The following CENPH variants were observed in gnomAD, a reference collection of about 807,000 sequenced individuals.
CENPH encodes the protein CENP-H.
A neutral mutation model predicts 42.9 loss-of-function variants in CENPH; 40 were observed. The observed-to-expected ratio is 0.93, with a 90% CI of 0.72 to 1.21. The LOEUF is 1.21. CENPH is among the 50% of genes most tolerant of loss of function. CENPH has a pLI of 0.00. For synonymous variants in CENPH, 88 were observed against 96.5 expected (o/e 0.91, Z 0.52); for missense variants, 302 against 292.9 (o/e 1.03, Z -0.23).
chr5:69,190,762 C>G (rs1282850850), intron 1 of CENPH, among the ~76,000 whole-genome samples: 7 of 151,932 alleles, frequency 4.6e-5, no homozygotes, highest in Non-Finnish European at 7.4e-5. Context: ...TGGTGGCGGG[C>G]GCCTGTAATC....
At chr5:69,204,023 T>TATAAATATATATCATATATAA (rs1491256774) in intron 7 of CENPH, among the ~76,000 whole-genome samples, 1 of 45,388 alleles carries the variant, frequency 2.2e-5, no homozygotes, top group Non-Finnish European at 4.1e-5. Flanking sequence ...ATATATAAAT[T>TATAAATATATATCATATATAA]ATATATATAA....
At chr5:69,205,585 C>T (rs1203748171) in intron 7 of CENPH, among the ~76,000 whole-genome samples, 1 of 152,112 alleles carries the variant, frequency 6.6e-6, no homozygotes, top group East Asian at 1.9e-4. Context: ...ACACTCATGG[C>T]TCACTACAGC....
intron 2 of CENPH, among the ~76,000 whole-genome samples, chr5:69,193,113 CAAAAT>C (rs1272639325): frequency 6.7e-6 from 1 of 150,284 alleles, no homozygotes; most frequent in Non-Finnish European, 1.5e-5. Flanking sequence ...CAAAAACAAA[CAAAAT>C]ATATATATAT....
intron 1 of CENPH, among the ~76,000 whole-genome samples, chr5:69,190,450 C>A (rs1032329274): frequency 6.6e-6 from 1 of 152,162 alleles, no homozygotes; most frequent in Non-Finnish European, 1.5e-5. Flanking sequence ...GTACAACTTT[C>A]CTGCCACAAG....
At chr5:69,207,377 TGGGGTTTCGCCATGTTGGC>T (rs1165698482) in intron 7 of CENPH, among the ~76,000 whole-genome samples, 1 of 151,756 alleles carries the variant, frequency 6.6e-6, no homozygotes, top group African/African-American at 2.4e-5. Context: ...TTCATAGAGA[TGGGGTTTCGCCATGTTGGC>T]GGGGCTGGTC....
chr5:69,201,375 T>G (rs1748057341), intron 5 of CENPH, among the ~76,000 whole-genome samples: 1 of 152,236 alleles, frequency 6.6e-6, no homozygotes, highest in Non-Finnish European at 1.5e-5. Flanking sequence ...CTCCACTAGA[T>G]TCTTTCCTCT....
chr5:69,202,858 G>T, intron 6 of CENPH, 61 bp from the exon 7 acceptor site: 1 of 990,464 alleles, frequency 1.0e-6, no homozygotes, highest in East Asian at 2.5e-5. Context: ...AGTGATTTAA[G>T]TATTACAGGT....
intron 5 of CENPH, 75 bp from the exon 6 acceptor site, chr5:69,202,430 CT>C: frequency 1.2e-6 from 1 of 812,544 alleles, no homozygotes; most frequent in Non-Finnish European, 2.0e-6. Flanking sequence ...TCATTGATTC[CT>C]TCATTAATGA....
At chr5:69,206,853 A>G (rs1748168526) in intron 7 of CENPH, among the ~76,000 whole-genome samples, 1 of 146,898 alleles carries the variant, frequency 6.8e-6, no homozygotes, top group Non-Finnish European at 1.5e-5. Context: ...TCTCAGGGTC[A>G]TTAGTAGTAT....
In CENPH at chr5:69,195,770, T is replaced by TA. The variant is rs767679889; in HGVS notation, c.299dup (p.Leu101AlafsTer13). ...GAAGAGGTAAAAGTTGCTTTTGAGATAAAAAAGCTTGCATTAGACAGGTAA... is the reference window on the plus strand; with the variant it reads ...GAAGAGGTAAAAGTTGCTTTTGAGATAAAAAAAGCTTGCATTAGACAGGTAA... On this transcript the variant is annotated frameshift_variant, in exon 4 of 9. Coordinates refer to ENST00000283006, the MANE Select transcript of CENPH (RefSeq NM_022909.4). LOFTEE classifies it high-confidence loss of function. 6 of 1,545,864 alleles carry TA rather than the reference T, an allele frequency of 3.9e-6. No individual in the cohort carries two copies. Among genetic ancestry groups the TA allele is most frequent in the Admixed American group, 2.0e-5 (1 of 49,636 alleles).
intron 7 of CENPH, among the ~76,000 whole-genome samples, chr5:69,205,034 T>C (rs967305516): frequency 1.3e-5 from 2 of 151,172 alleles, no homozygotes; most frequent in Admixed American, 6.6e-5. Context: ...TTCTCCGGTC[T>C]CAGCCTTCTG....
rs1409167498 is a variant in CENPH, at chr5:69,208,189, C to G, written c.488-7C>G. On this transcript the variant is annotated splice_region_variant and splice_polypyrimidine_tract_variant and intron_variant, in intron 7 of 8. Coordinates refer to ENST00000283006, the MANE Select transcript of CENPH (RefSeq NM_022909.4). ...TATGGTATATTATTTTATTTTTAAC[C>G]TAACAGAATTAAAACAAGCTTCAGA... The G allele has an allele frequency of 6.9e-7, 1 of 1,444,180 alleles. No individual in the cohort carries two copies. Among genetic ancestry groups the G allele is most frequent in the Non-Finnish European group, 9.6e-7 (1 of 1,039,590 alleles). 89.5% of individuals were successfully genotyped at this position (1,444,180 alleles called of 1,614,324 possible). A position where few individuals can be genotyped will look rare whatever the true frequency, so the allele number is the denominator to read the frequency against.
intron 1 of CENPH, among the ~76,000 whole-genome samples, chr5:69,190,491 T>C (rs1747849604): frequency 6.6e-6 from 1 of 152,220 alleles, no homozygotes; most frequent in South Asian, 2.1e-4. Flanking sequence ...ACAGAGACCG[T>C]GTGACTCACA....
chr5:69,197,364 A>T (rs994259386), intron 5 of CENPH: 2 of 333,474 alleles, frequency 6.0e-6, no homozygotes, highest in Admixed American at 9.2e-5. Context: ...GAAAGCTTTA[A>T]AAGTTCATTT....
chr5:69,199,572 A>G (rs1748025141), intron 5 of CENPH, among the ~76,000 whole-genome samples: 1 of 152,182 alleles, frequency 6.6e-6, no homozygotes, highest in African/African-American at 2.4e-5. Context: ...AATAGGAAGC[A>G]GGTTAGGCAA....
Position 69,207,545 on chromosome 5 carries a change from C to T in CENPH, c.488-651C>T, listed in dbSNP as rs192458776. On this transcript the variant is annotated intron_variant, in intron 7 of 8. Transcript: ENST00000283006. ...TTCCTTGGCCGGGCGCGGTGGCTCACGCCTGTAATCTCAGCACTTTGGGAG... is the reference window on the plus strand; with the variant it reads ...TTCCTTGGCCGGGCGCGGTGGCTCATGCCTGTAATCTCAGCACTTTGGGAG... 2.5e-3 allele frequency among the ~76,000 whole-genome samples: 378 copies of T among 151,298 alleles called. 4 individuals carry two copies. Among genetic ancestry groups the T allele is most frequent in the African/African-American group, 8.7e-3 (361 of 41,342 alleles).
At position 69,210,351 on chromosome 5, in the gene CENPH, A is replaced by G. The variant is rs1286270162; in HGVS notation, c.*552A>G. The G allele has an allele frequency of 6.6e-6, 1 of 152,044 alleles. No individual in the cohort carries two copies. Among genetic ancestry groups the G allele is most frequent in the Non-Finnish European group, 1.5e-5 (1 of 68,004 alleles). The allele number at this position is 152,044 out of a possible 1,614,324, so 9.4% of individuals were successfully genotyped here. Reference sequence around the variant, plus strand: ...TATAAGTTAAGAAATAAAAGGAATTAATGTTACTCTGTCTTATTTTTTTTT... The same window carrying G: ...TATAAGTTAAGAAATAAAAGGAATTGATGTTACTCTGTCTTATTTTTTTTT... On this transcript the variant is annotated 3_prime_UTR_variant, in exon 9 of 9. Transcript: ENST00000283006.
At chr5:69,197,987 C>T (rs529219130) in intron 5 of CENPH, among the ~76,000 whole-genome samples, 58 of 134,232 alleles carry the variant, frequency 4.3e-4, no homozygotes, top group African/African-American at 1.5e-3. Flanking sequence ...GTGGCACGAT[C>T]TCGGCTCACT....
intron 7 of CENPH, among the ~76,000 whole-genome samples, chr5:69,206,863 T>G (rs1275339261): frequency 7.9e-6 from 1 of 126,466 alleles, no homozygotes; most frequent in East Asian, 2.2e-4. Context: ...ATTAGTAGTA[T>G]TGGTCATCTT....
Sources: allele counts gnomAD v4.1 joint callset (sites outside exome capture counted in the v4.1 genomes callset), GRCh38; gene constraint gnomAD v4.1.1; transcripts MANE v1.5; gene names NCBI Gene and HGNC (gene_info 2026-07-23, HGNC 2026-07-21).